The following PITPNM2 variants were observed in gnomAD, a reference collection of about 807,000 sequenced individuals.
PITPNM2 encodes the protein phosphatidylinositol transfer protein membrane associated 2.
PITPNM2 carries 35 observed loss-of-function variants against 132.2 expected under a neutral mutation model. That is an observed-to-expected ratio of 0.26 (90% CI 0.20 to 0.35). The LOEUF (loss-of-function observed/expected upper bound fraction) is 0.35. Among genes scored for constraint, PITPNM2 ranks in the 10% least tolerant of loss-of-function variants. The pLI is 1.00. For missense variants in PITPNM2, 1,332 were observed against 1,912.0 expected (o/e 0.70, Z 5.66); for synonymous variants, 738 against 799.2 (o/e 0.92, Z 1.29).
At position 123,063,574 on chromosome 12, in the gene PITPNM2, G is replaced by A. The variant is rs980713790; in HGVS notation, c.-95-28889C>T. ...TCCCTCTCCCCCAGGGCTCTCTTTG[G>A]AGGCAGAGCCCCTTGTGGGTCTCTG... On this transcript the variant is annotated intron_variant, in intron 2 of 25. Transcript: ENST00000320201. 3.9e-5 allele frequency among the ~76,000 whole-genome samples: 6 copies of A among 152,170 alleles called. No individual in the cohort carries two copies. In the East Asian group the frequency reaches 1.2e-3, roughly 29 times the overall value.
chr12:123,034,466 G>A (rs772524085), intron 3 of PITPNM2, 47 bp downstream of exon 3: 1 of 1,559,862 alleles, frequency 6.4e-7, no homozygotes, highest in Non-Finnish European at 8.8e-7. Flanking sequence ...CTGTGCGCTG[G>A]CGCGACCCAC....
chr12:123,132,734 C>T (rs966816470), intron 1 of PITPNM2, among the ~76,000 whole-genome samples: 3 of 152,138 alleles, frequency 2.0e-5, no homozygotes, highest in African/African-American at 7.2e-5. Flanking sequence ...GTGTATTTGC[C>T]TATTCTAGGT....
intron 1 of PITPNM2, among the ~76,000 whole-genome samples, chr12:123,147,534 A>C (rs1280607293): frequency 2.0e-5 from 3 of 152,150 alleles, no homozygotes; most frequent in Non-Finnish European, 4.4e-5. Context: ...TGACTTTATA[A>C]AGAATATATA....
intron 1 of PITPNM2, among the ~76,000 whole-genome samples, chr12:123,110,720 T>C (rs895903423): frequency 6.6e-6 from 1 of 152,176 alleles, no homozygotes; most frequent in African/African-American, 2.4e-5. Flanking sequence ...GCACCCCTTC[T>C]ACTTAGGAAA....
Position 123,108,305 on chromosome 12 carries a change from A to G in PITPNM2, c.-96+2080T>C, listed in dbSNP as rs923624862. On this transcript the variant is annotated intron_variant, in intron 2 of 25. Coordinates refer to ENST00000320201, the MANE Select transcript of PITPNM2 (RefSeq NM_020845.3). The surrounding 1 kb of genome is among the most constrained non-coding windows in gnomAD (Gnocchi z 4.4). The stretch of plus-strand genomic sequence containing the variant: ...TTCGGATGAGGTGAGCTGCAAGGCC[A>G]TGGTCTCTGCAAAGCCACTGCACTC... Among the ~76,000 whole-genome samples the G allele has an allele frequency of 3.3e-5, 5 of 152,330 alleles. 1 individual carries two copies. In the East Asian group the frequency reaches 7.7e-4, roughly 23 times the overall value.
chr12:123,014,771 AAAACTATTT>A (rs1246513163), intron 3 of PITPNM2, among the ~76,000 whole-genome samples: 1 of 152,224 alleles, frequency 6.6e-6, no homozygotes, highest in African/African-American at 2.4e-5. Flanking sequence ...AGATAGAAGT[AAAACTATTT>A]CGATTTCCTG....
rs767446944 is a variant in PITPNM2, at chr12:123,009,959, C to T, written c.534G>A (p.Glu178=). ...QRGPLSENWI[E]EYKKQVFPIM... ...TGGGGAAGACCTGCTTCTTGTACTC[C>T]TCGATCCAGTTCTCGGACAGGGGCC... Residue 178 remains glutamate, a synonymous_variant, in exon 6 of 26, where the codon GAG becomes GAA. Coordinates refer to ENST00000320201, the MANE Select transcript of PITPNM2 (RefSeq NM_020845.3). This position sits in a 1 kb window ranked among gnomAD's most constrained non-coding sequence, Gnocchi z 4.8. The T allele has an allele frequency of 7.4e-6, 12 of 1,614,220 alleles. No individual in the cohort carries two copies. In the South Asian group the frequency reaches 1.2e-4, roughly 16 times the overall value.
intron 1 of PITPNM2, among the ~76,000 whole-genome samples, chr12:123,148,458 T>A (rs1030910820): frequency 2.6e-5 from 4 of 152,158 alleles, no homozygotes; most frequent in African/African-American, 9.7e-5. Flanking sequence ...TACCAGACGT[T>A]TCCTCTGCTA....
chr12:123,076,565 T>C (rs1231820687), intron 2 of PITPNM2, among the ~76,000 whole-genome samples: 2 of 152,174 alleles, frequency 1.3e-5, no homozygotes, highest in Non-Finnish European at 2.9e-5. Flanking sequence ...AGTCCTATAT[T>C]CAACTATTCA....
At chr12:123,088,128 C>T (rs920028554) in intron 2 of PITPNM2, 7 of 152,270 alleles carry the variant, frequency 4.6e-5, no homozygotes, top group African/African-American at 1.2e-4. Context: ...TTTCCTACCA[C>T]GTTTCTTCTC....
chr12:123,132,518 T>TC (rs1289474521), intron 1 of PITPNM2, among the ~76,000 whole-genome samples: 2 of 136,276 alleles, frequency 1.5e-5, no homozygotes, highest in African/African-American at 7.0e-5. Flanking sequence ...TTCTTTTCTT[T>TC]CCCTTTTTTT....
chr12:123,088,713 G>A (rs2042181519), intron 2 of PITPNM2: 1 of 152,102 alleles, frequency 6.6e-6, no homozygotes, highest in Non-Finnish European at 1.5e-5. Context: ...GAGAAGTTCA[G>A]AAAAAAAGTT....
intron 2 of PITPNM2, among the ~76,000 whole-genome samples, chr12:123,038,245 A>T (rs969111911): frequency 1.3e-4 from 20 of 152,254 alleles, no homozygotes; most frequent in Non-Finnish European, 2.9e-5. Flanking sequence ...GAAGAAGGAA[A>T]AAACAAATAA....
chr12:123,120,751 C>T (rs1050446901), intron 1 of PITPNM2, among the ~76,000 whole-genome samples: 15 of 152,232 alleles, frequency 9.9e-5, no homozygotes, highest in African/African-American at 3.6e-4. Flanking sequence ...GCTGGTCAGA[C>T]ACCACAGCCC....
chr12:123,124,117 G>C (rs1050996690), intron 1 of PITPNM2, among the ~76,000 whole-genome samples: 1 of 151,864 alleles, frequency 6.6e-6, no homozygotes, highest in African/African-American at 2.4e-5. Flanking sequence ...TTAGCCTGGC[G>C]TGGTGGCAGA....
At position 123,012,647 on chromosome 12, in the gene PITPNM2, G is replaced by A. The variant is rs1347477279; in HGVS notation, c.381C>T (p.Asn127=). ...TDAGENPDVF[N]LSPVEKNQLT... is the part of the protein sequence containing the mutation. ...GCTGGTTCTTTTCCACAGGAGAGAG[G>A]TTGAACACGTCGGGGTTTTCTCCAG... is the stretch of plus-strand genomic sequence containing the variant. Residue 127 remains asparagine (N), a synonymous_variant, in exon 5 of 26, where the codon AAC becomes AAT. Transcript: ENST00000320201. The A allele has an allele frequency of 2.5e-6, 4 of 1,613,988 alleles. No individual in the cohort carries two copies. Among genetic ancestry groups the A allele is most frequent in the Non-Finnish European group, 3.4e-6 (4 of 1,179,948 alleles).
At chr12:123,148,791 G>T (rs1446025113) in intron 1 of PITPNM2, among the ~76,000 whole-genome samples, 1 of 152,138 alleles carries the variant, frequency 6.6e-6, no homozygotes, top group Non-Finnish European at 1.5e-5. Flanking sequence ...TGGGGGGCAC[G>T]TGTAAACAGA....
intron 3 of PITPNM2, among the ~76,000 whole-genome samples, chr12:123,017,070 A>G (rs1345528767): frequency 6.8e-6 from 1 of 146,790 alleles, no homozygotes; most frequent in Non-Finnish European, 1.5e-5. Flanking sequence ...AAAAAAAAAG[A>G]AAAGATAATA....
chr12:123,001,197 C>T (rs766306662), intron 8 of PITPNM2, 39 bp from the exon 9 acceptor site: 26 of 1,553,484 alleles, frequency 1.7e-5, no homozygotes, highest in Middle Eastern at 1.7e-4. Context: ...GGACTGGGAA[C>T]GCTGGGGAAG....
Sources: allele counts gnomAD v4.1 joint callset (sites outside exome capture counted in the v4.1 genomes callset), GRCh38; gene constraint gnomAD v4.1.1; non-coding constraint Gnocchi (gnomAD v3.1); transcripts MANE v1.5; gene names NCBI Gene and HGNC (gene_info 2026-07-23, HGNC 2026-07-21).